SLC25A20: variants seen among roughly 807,000 people sequenced by gnomAD.
SLC25A20 encodes mitochondrial carnitine/acylcarnitine carrier protein.
In SLC25A20, 29 loss-of-function variants were observed where a neutral mutation model predicts 39.7. The ratio of observed to expected loss-of-function variants is 0.73; its 90% CI spans 0.54 to 1.00. The LOEUF (loss-of-function observed/expected upper bound fraction) is 1.00. Among genes scored for constraint, SLC25A20 ranks in the 50% least tolerant of loss-of-function variants. SLC25A20 has a pLI of 0.00. For missense variants in SLC25A20, 333 were observed against 379.9 expected, an observed-to-expected ratio of 0.88 and a Z score of 1.03; for synonymous variants, 103 against 142.2, an observed-to-expected ratio of 0.72 and a Z score of 1.96.
chr3:48,888,508 T>G (rs2083849802), intron 2 of SLC25A20, among the ~76,000 whole-genome samples: 1 of 151,120 alleles, frequency 6.6e-6, no homozygotes, highest in South Asian at 2.1e-4. Context: ...AGGCAGAGTT[T>G]GCAGTGACCG....
intron 2 of SLC25A20, among the ~76,000 whole-genome samples, chr3:48,886,285 G>C (rs1175727238): frequency 6.6e-6 from 1 of 152,138 alleles, no homozygotes; most frequent in Non-Finnish European, 1.5e-5. Flanking sequence ...AGCACTTTCA[G>C]AGGCCAAGGC....
intron 8 of SLC25A20, 133 bp downstream of exon 8, chr3:48,858,374 G>A: frequency 7.6e-7 from 1 of 1,318,306 alleles, no homozygotes; most frequent in Non-Finnish European, 1.1e-6. Context: ...GAGCAAATAA[G>A]GAATGCTCTG....
intron 5 of SLC25A20, among the ~76,000 whole-genome samples, chr3:48,860,834 C>CA (rs2083621038): frequency 7.4e-6 from 1 of 134,324 alleles, no homozygotes; most frequent in African/African-American, 2.7e-5. Context: ...TATTACTTTA[C>CA]TTTTTTTTTT....
chr3:48,882,754 T>TG (rs915525584), intron 3 of SLC25A20, among the ~76,000 whole-genome samples: 8 of 152,092 alleles, frequency 5.3e-5, no homozygotes, highest in African/African-American at 1.4e-4. Context: ...CCCAGAGTGA[T>TG]GGTGTGTGCC....
chr3:48,882,345 A>G (rs912013823), intron 3 of SLC25A20, among the ~76,000 whole-genome samples: 2 of 152,222 alleles, frequency 1.3e-5, no homozygotes, highest in African/African-American at 4.8e-5. Context: ...TGAAATCTTT[A>G]TAGTCATATT....
chr3:48,868,010 G>A (rs771533720), intron 4 of SLC25A20, among the ~76,000 whole-genome samples: 1 of 151,580 alleles, frequency 6.6e-6, no homozygotes, highest in Non-Finnish European at 1.5e-5. Flanking sequence ...GCGGTGAGCC[G>A]AGATGGCGCC....
In SLC25A20 at chr3:48,898,682, TC is replaced by T; in HGVS notation, c.105+7del. ...CCTCCCCAAAGCCTGCGACCCAGCC[TC>T]CCGCACCTTGACCGTGTCCAGAGGG... On this transcript the variant is annotated splice_region_variant and intron_variant, in intron 1 of 8. Coordinates refer to ENST00000319017, the MANE Select transcript of SLC25A20 (RefSeq NM_000387.6). 6.3e-7 allele frequency: 1 copy of T among 1,595,356 alleles called. No homozygotes were observed. The highest frequency in any genetic ancestry group is 8.5e-7 in the Non-Finnish European group (1 of 1,171,802).
intron 4 of SLC25A20, among the ~76,000 whole-genome samples, chr3:48,872,662 G>A (rs904892562): frequency 6.9e-6 from 1 of 145,442 alleles, no homozygotes; most frequent in African/African-American, 2.6e-5. Context: ...GTTAGCCTGA[G>A]CAACATGGCA....
At chr3:48,885,624 G>A (rs2083824391) in intron 2 of SLC25A20, among the ~76,000 whole-genome samples, 2 of 152,144 alleles carry the variant, frequency 1.3e-5, no homozygotes, top group South Asian at 4.2e-4. Flanking sequence ...CCAACATGGT[G>A]AAACCCCGCC....
intron 4 of SLC25A20, among the ~76,000 whole-genome samples, chr3:48,879,060 G>A (rs1014654459): frequency 3.3e-5 from 5 of 151,842 alleles, no homozygotes; most frequent in African/African-American, 7.3e-5. Context: ...TAGTAGAGAC[G>A]GGGTTTCACC....
intron 5 of SLC25A20, among the ~76,000 whole-genome samples, chr3:48,860,665 G>A (rs2106637907): frequency 6.6e-6 from 1 of 151,714 alleles, no homozygotes; most frequent in South Asian, 2.1e-4. Flanking sequence ...GCACATGCCT[G>A]TAATCCCAGC....
rs764712262 is a variant in SLC25A20, at chr3:48,859,051, G to T, written c.718+41C>A. 6 of 1,521,990 alleles carry T rather than the reference G, an allele frequency of 3.9e-6. No individual in the cohort carries two copies. In the African/African-American group the frequency reaches 6.9e-5, roughly 17 times the overall value. 94.3% of individuals were successfully genotyped at this position (1,521,990 alleles called of 1,614,324 possible). On this transcript the variant is annotated intron_variant, in intron 7 of 8. Coordinates refer to ENST00000319017, the MANE Select transcript of SLC25A20 (RefSeq NM_000387.6). The stretch of plus-strand genomic sequence containing the variant: ...CACCCCAGGATTAGCCAGTGCTGGG[G>T]ACCCACTCTCCCCCTGTCCACCCCA...
intron 5 of SLC25A20, among the ~76,000 whole-genome samples, chr3:48,861,696 C>T (rs2083629147): frequency 6.6e-6 from 1 of 151,960 alleles, no homozygotes; most frequent in African/African-American, 2.4e-5. Flanking sequence ...CACTGCATTC[C>T]AGCCTGGGTG....
At chr3:48,866,918 C>T (rs1196955412) in intron 4 of SLC25A20, among the ~76,000 whole-genome samples, 3 of 152,008 alleles carry the variant, frequency 2.0e-5, no homozygotes, top group South Asian at 2.1e-4. Flanking sequence ...CTCAGACTCC[C>T]GAGTAGCTGG....
At position 48,891,926 on chromosome 3, in the gene SLC25A20, T is replaced by C. The variant is rs1380458428; in HGVS notation, c.198+54A>G. The C allele has an allele frequency of 1.1e-5, 16 of 1,405,808 alleles. No individual in the cohort carries two copies. The Admixed American group carries it at 2.5e-4, about 22-fold the overall frequency. The allele number at this position is 1,405,808 out of a possible 1,614,324, so 87.1% of individuals were successfully genotyped here. On this transcript the variant is annotated intron_variant, in intron 2 of 8. Coordinates refer to ENST00000319017, the MANE Select transcript of SLC25A20 (RefSeq NM_000387.6). Reference sequence around the variant, plus strand: ...ACCTACTCTCCTTGGGGGTAACAAATCAACCCCGTGAATGTGTTCTGAGTA... The same window carrying C: ...ACCTACTCTCCTTGGGGGTAACAAACCAACCCCGTGAATGTGTTCTGAGTA...
At chr3:48,878,868 GTT>G (rs1307405910) in intron 4 of SLC25A20, among the ~76,000 whole-genome samples, 1 of 150,808 alleles carries the variant, frequency 6.6e-6, no homozygotes, top group African/African-American at 2.4e-5. Flanking sequence ...TTTTGGTTTT[GTT>G]TTGTTTTGGT....
In SLC25A20 at chr3:48,859,191, G is replaced by C. The variant is rs773165226; in HGVS notation, c.619C>G (p.Leu207Val). Residue 207 changes from leucine (L) to valine (V), a missense_variant, in exon 7 of 9, where the codon CTC becomes GTC. Transcript: ENST00000319017. ...GCCACCAAGATCCGAGGGGCACTGA[G>C]CTCACTGACCCTGTATAACACCAAC... ...FTPEGKRVSE[L>V]SAPRILVAGG... is the part of the protein sequence containing the mutation. 6 of 1,613,768 alleles carry C rather than the reference G, an allele frequency of 3.7e-6. 1 individual carries two copies. Among genetic ancestry groups the C allele is most frequent in the Non-Finnish European group, 5.1e-6 (6 of 1,179,888 alleles).
intron 3 of SLC25A20, among the ~76,000 whole-genome samples, chr3:48,882,951 G>A (rs1224345493): frequency 6.6e-6 from 1 of 151,686 alleles, no homozygotes; most frequent in African/African-American, 2.4e-5. Context: ...ACTTTGGGGG[G>A]CCAAAGGGGG....
At chr3:48,868,546 T>C (rs1404215312) in intron 4 of SLC25A20, among the ~76,000 whole-genome samples, 2 of 152,160 alleles carry the variant, frequency 1.3e-5, no homozygotes, top group East Asian at 1.9e-4. Flanking sequence ...CAGAGAAACC[T>C]TGGGACCTGA....
Sources: gnomAD v4.1 joint callset for allele counts (sites outside exome capture counted in the v4.1 genomes callset) on GRCh38, gnomAD v4.1.1 for gene constraint, MANE v1.5 for transcripts, NCBI Gene and HGNC (gene_info 2026-07-23, HGNC 2026-07-21) for gene names.